RALGAPA2: variants seen among roughly 807,000 people sequenced by gnomAD.
The protein encoded by RALGAPA2 is ral GTPase-activating protein subunit alpha-2.
In RALGAPA2, 139 loss-of-function variants were observed where a neutral mutation model predicts 230.4. The observed-to-expected ratio is 0.60, with a 90% CI of 0.53 to 0.69. RALGAPA2 has a LOEUF of 0.69. Ranked by LOEUF, RALGAPA2 falls within the 30% of genes least tolerant of loss-of-function variation. The pLI, the probability that RALGAPA2 is intolerant of heterozygous loss-of-function variation, is 0.00. For synonymous variants in RALGAPA2, 847 were observed against 837.8 expected (o/e 1.01, Z -0.19); for missense variants, 2,163 against 2,276.0 (o/e 0.95, Z 1.01).
chr20:20,464,590 C>T (rs1854319857), intron 37 of RALGAPA2, among the ~76,000 whole-genome samples: 1 of 152,202 alleles, frequency 6.6e-6, no homozygotes, highest in African/African-American at 2.4e-5. Flanking sequence ...TTCAATCTCT[C>T]TTTCAAAAAC....
rs150882918 is a variant in RALGAPA2, at chr20:20,684,584, C to G, written c.107-3783G>C. Among the ~76,000 whole-genome samples the G allele has an allele frequency of 7.2e-3, 1,103 of 152,254 alleles. 11 individuals carry two copies. Among genetic ancestry groups the G allele is most frequent in the African/African-American group, 0.026 (1,059 of 41,524 alleles). ...ACTAACAAGACAACTAGATACATTC[C>G]AGGGAACCCAAAACACAGTGAACCC... On this transcript the variant is annotated intron_variant, in intron 1 of 39. Coordinates refer to ENST00000202677, the MANE Select transcript of RALGAPA2 (RefSeq NM_020343.4).
intron 37 of RALGAPA2, among the ~76,000 whole-genome samples, chr20:20,468,959 G>T (rs1171475769): frequency 2.7e-5 from 4 of 147,672 alleles, no homozygotes; most frequent in African/African-American, 7.9e-5. Context: ...GTGTGTGTGT[G>T]TGTTTGTGTG....
At chr20:20,438,050 T>C (rs2060652774) in intron 37 of RALGAPA2, among the ~76,000 whole-genome samples, 2 of 152,330 alleles carry the variant, frequency 1.3e-5, no homozygotes, top group South Asian at 2.1e-4. Flanking sequence ...TGGGTGATGA[T>C]CAAAATTCCA....
chr20:20,458,856 C>CTA (rs200853897), intron 37 of RALGAPA2, among the ~76,000 whole-genome samples: 1,973 of 88,154 alleles, frequency 0.022, 74 homozygotes, highest in Middle Eastern at 0.078. Flanking sequence ...ATATATAGAC[C>CTA]TATATATATA....
chr20:20,512,985 T>C lies in RALGAPA2; in HGVS notation c.4384A>G (p.Ile1462Val). ...TACTTCCCTGAGATATCCCTCACAA[T>C]TACTCTCACATCAGAGAGAGAGCCC... The part of the protein sequence containing the change: ...PVGSLSDVRV[I>V]VRDISGKYSW... The change falls in exon 32 of 40, where the codon ATT becomes GTT. Residue 1462 changes from isoleucine to valine, a missense_variant. Transcript: ENST00000202677. 4 of 1,613,754 alleles carry C rather than the reference T, an allele frequency of 2.5e-6. No individual in the cohort carries two copies. The highest frequency in any genetic ancestry group is 3.4e-6 in the Non-Finnish European group (4 of 1,179,724).
chr20:20,639,849 T>A lies in RALGAPA2; in HGVS notation c.602A>T (p.Glu201Val), dbSNP rs1383726067. The part of the protein sequence containing the change: ...ITPLLPAISG[E>V]KIAEDQTCFF... ...GCAGGTTTGGTCCTCAGCAATCTTCTCCCCTGATATGGCTGGTAGGAGTGG... is the reference window on the plus strand; with the variant it reads ...GCAGGTTTGGTCCTCAGCAATCTTCACCCCTGATATGGCTGGTAGGAGTGG... The change falls in exon 7 of 40, where the codon GAG becomes GTG. Residue 201 changes from glutamate (E) to valine (V), a missense_variant. Transcript: ENST00000202677. 2 of 1,613,778 alleles carry A rather than the reference T, an allele frequency of 1.2e-6. No homozygotes were observed. Among genetic ancestry groups the A allele is most frequent in the South Asian group, 2.2e-5 (2 of 91,080 alleles).
At chr20:20,519,696 G>C (rs143292101) in intron 31 of RALGAPA2, among the ~76,000 whole-genome samples, 4 of 152,282 alleles carry the variant, frequency 2.6e-5, no homozygotes, top group African/African-American at 9.6e-5. Flanking sequence ...TGCTAGAAAT[G>C]ACTCTTTCTT....
At chr20:20,569,526 AT>A (rs2145903684) in intron 23 of RALGAPA2, among the ~76,000 whole-genome samples, 1 of 152,332 alleles carries the variant, frequency 6.6e-6, no homozygotes, top group Non-Finnish European at 1.5e-5. Flanking sequence ...TATAAAAGAT[AT>A]TGAGCCTTAA....
At chr20:20,423,193 C>G (rs2060314199) in intron 37 of RALGAPA2, among the ~76,000 whole-genome samples, 1 of 152,018 alleles carries the variant, frequency 6.6e-6, no homozygotes, top group Non-Finnish European at 1.5e-5. Context: ...AAAAAGGGAC[C>G]TGAGGAGGAG....
chr20:20,496,378 G>A (rs2062204946), intron 35 of RALGAPA2, among the ~76,000 whole-genome samples: 1 of 152,064 alleles, frequency 6.6e-6, no homozygotes, highest in African/African-American at 2.4e-5. Context: ...AAGTGACAAA[G>A]AATCAAAGTG....
chr20:20,582,171 T>A (rs1157429355), intron 20 of RALGAPA2, among the ~76,000 whole-genome samples: 6 of 150,912 alleles, frequency 4.0e-5, no homozygotes, highest in African/African-American at 1.5e-4. Flanking sequence ...AGTGTGTGTG[T>A]GTGTGTGTGT....
At position 20,524,458 on chromosome 20, in the gene RALGAPA2, A is replaced by C; in HGVS notation, c.3848T>G (p.Val1283Gly). ...TCTGGCCGAATGCTGCTCCTCTAGGACTGCTGTGGACACGGGGTGGAGAAG... is the reference window on the plus strand; with the variant it reads ...TCTGGCCGAATGCTGCTCCTCTAGGCCTGCTGTGGACACGGGGTGGAGAAG... ...SVLLHPVSTA[V>G]LEEQHSARAP... The change falls in exon 30 of 40, where the codon GTC becomes GGC. Residue 1283 changes from valine to glycine, a missense_variant. By Grantham distance (109) the Val-to-Gly change is moderately radical (BLOSUM62 -3). Coordinates refer to ENST00000202677, the MANE Select transcript of RALGAPA2 (RefSeq NM_020343.4). 6.2e-7 allele frequency: 1 copy of C among 1,613,886 alleles called. No homozygotes were observed. The highest frequency in any genetic ancestry group is 8.5e-7 in the Non-Finnish European group (1 of 1,179,854).
chr20:20,393,488 T>C (rs1202039823), intron 39 of RALGAPA2, among the ~76,000 whole-genome samples: 1 of 152,224 alleles, frequency 6.6e-6, no homozygotes, highest in Non-Finnish European at 1.5e-5. Flanking sequence ...GCTATGAATC[T>C]TGTGAAATTA....
chr20:20,600,416 T>C (rs2065603988), intron 16 of RALGAPA2, among the ~76,000 whole-genome samples: 1 of 152,088 alleles, frequency 6.6e-6, no homozygotes, highest in African/African-American at 2.4e-5. Flanking sequence ...GAATTGGGTC[T>C]CTCCTCAGGG....
rs371959375 is a variant in RALGAPA2, at chr20:20,524,528, G to A, written c.3778C>T (p.Leu1260=). The A allele has an allele frequency of 8.7e-5, 141 of 1,613,902 alleles. 5 individuals carry two copies. The Middle Eastern group carries it at 1.3e-3, about 15-fold the overall frequency. The change falls in exon 30 of 40, where the codon CTA becomes TTA. Residue 1260 remains leucine, a synonymous_variant. Transcript: ENST00000202677. ...ATGCACCAGTCCAAGAGGCAGAGTAGCAAGGACACAATAAACTGGAAGAAG... is the reference window on the plus strand; with the variant it reads ...ATGCACCAGTCCAAGAGGCAGAGTAACAAGGACACAATAAACTGGAAGAAG... The part of the protein sequence containing the change: ...ETDKKFIVSL[L]LCLLDWCMAL...
At chr20:20,426,142 G>A (rs1454487267) in intron 37 of RALGAPA2, among the ~76,000 whole-genome samples, 1 of 152,202 alleles carries the variant, frequency 6.6e-6, no homozygotes, top group Non-Finnish European at 1.5e-5. Flanking sequence ...GTAGTTTTGA[G>A]CAGCCACAGG....
At chr20:20,642,251 C>T (rs2067065615) in intron 5 of RALGAPA2, among the ~76,000 whole-genome samples, 1 of 151,712 alleles carries the variant, frequency 6.6e-6, no homozygotes, top group South Asian at 2.1e-4. Context: ...CACTCTGTTG[C>T]CCAGGCTGGA....
intron 13 of RALGAPA2, among the ~76,000 whole-genome samples, chr20:20,611,752 T>G (rs1373361194): frequency 2.6e-5 from 4 of 152,174 alleles, no homozygotes; most frequent in East Asian, 1.9e-4. Flanking sequence ...AGGTACTCAG[T>G]GAAAACCTAC....
At chr20:20,497,433 A>AC (rs1182594123) in intron 35 of RALGAPA2, among the ~76,000 whole-genome samples, 11 of 152,242 alleles carry the variant, frequency 7.2e-5, no homozygotes, top group African/African-American at 2.4e-4. Context: ...CACAGCCCTC[A>AC]CCCTGCAAAG....
Sources: gnomAD v4.1 joint callset for allele counts (sites outside exome capture counted in the v4.1 genomes callset) on GRCh38, gnomAD v4.1.1 for gene constraint, MANE v1.5 for transcripts, NCBI Gene and HGNC (gene_info 2026-07-23, HGNC 2026-07-21) for gene names.